Variants in IL1RL2 observed in about 807,000 individuals in gnomAD.
IL1RL2 encodes interleukin 1 receptor like 2, also known as interleukin-1 receptor-like 2.
A neutral mutation model predicts 66.8 loss-of-function variants in IL1RL2; 68 were observed. That is an observed-to-expected ratio of 1.02 (90% CI 0.84 to 1.25). IL1RL2 has a LOEUF of 1.25. IL1RL2 is among the 50% of genes most tolerant of loss of function. The pLI, the probability that IL1RL2 is intolerant of heterozygous loss-of-function variation, is 0.00. For synonymous variants in IL1RL2, 305 were observed against 264.6 expected (o/e 1.15, Z -1.48); for missense variants, 729 against 709.3 (o/e 1.03, Z -0.32).
intron 10 of IL1RL2, 70 bp downstream of exon 10, chr2:102,233,194 A>G: frequency 6.9e-7 from 1 of 1,449,344 alleles, no homozygotes; most frequent in Non-Finnish European, 9.5e-7. Context: ...CCTCCACTTT[A>G]CTAATGGCGG....
In IL1RL2 at chr2:102,189,106, A is replaced by C; in HGVS notation, c.89A>C (p.Glu30Ala). ...TGCAAGGACATTTTTATGAAAAATG[A>C]GATACTTTCAGCAAGCCAGCCTTTT... The part of the protein sequence containing the change: ...DGCKDIFMKN[E>A]ILSASQPFAF... Residue 30 changes from glutamate to alanine, a missense_variant, in exon 3 of 12, where the codon GAG (glutamate) becomes GCG (alanine). By Grantham distance (107) the Glu-to-Ala change is moderately radical. Coordinates refer to ENST00000264257, the MANE Select transcript of IL1RL2 (RefSeq NM_003854.4). 1.2e-6 allele frequency: 2 copies of C among 1,613,962 alleles called. No individual in the cohort carries two copies. Among genetic ancestry groups the C allele is most frequent in the South Asian group, 1.1e-5 (1 of 91,070 alleles).
chr2:102,214,010 C>A (rs189685612), intron 6 of IL1RL2, among the ~76,000 whole-genome samples: 7 of 152,166 alleles, frequency 4.6e-5, no homozygotes, highest in Admixed American at 3.9e-4. Context: ...TGCCTCTAGG[C>A]CCATATGTTT....
At position 102,232,980 on chromosome 2, in the gene IL1RL2, G is replaced by C; in HGVS notation, c.1153G>C (p.Ala385Pro). The C allele has an allele frequency of 1.9e-6, 3 of 1,613,308 alleles. 1 individual carries two copies. In the South Asian group the frequency reaches 3.3e-5, roughly 18 times the overall value. The change falls in exon 10 of 12, where the codon GCC becomes CCC. Residue 385 changes from alanine (A) to proline (P), a missense_variant. Coordinates refer to ENST00000264257, the MANE Select transcript of IL1RL2 (RefSeq NM_003854.4). ...CTTTTCAGATGGGAAGCTGTATGAC[G>C]CCTATGTCTTATACCCCAAGCCCCA... ...ETIVDGKLYDAYVLYPKPHKE... is the reference protein window; with the variant it reads ...ETIVDGKLYDPYVLYPKPHKE...
At chr2:102,220,990 C>T (rs574710906) in intron 8 of IL1RL2, among the ~76,000 whole-genome samples, 3 of 152,310 alleles carry the variant, frequency 2.0e-5, no homozygotes, top group African/African-American at 7.2e-5. Flanking sequence ...ACATTCTCTG[C>T]TTCACTTCTG....
At chr2:102,211,974 G>T in intron 5 of IL1RL2, 126 bp from the exon 6 acceptor site, 4 of 554,016 alleles carry the variant, frequency 7.2e-6, no homozygotes, top group Admixed American at 3.2e-5. Flanking sequence ...GTGTATTTAT[G>T]GAGTGAGATT....
At chr2:102,225,580 G>T (rs911134494) in intron 8 of IL1RL2, among the ~76,000 whole-genome samples, 1 of 152,194 alleles carries the variant, frequency 6.6e-6, no homozygotes, top group Non-Finnish European at 1.5e-5. Flanking sequence ...GAACCTGGAC[G>T]TGTGTGTTTT....
intron 10 of IL1RL2, among the ~76,000 whole-genome samples, chr2:102,233,819 C>T (rs1026716581): frequency 2.6e-5 from 4 of 152,158 alleles, no homozygotes; most frequent in Admixed American, 2.6e-4. Flanking sequence ...TGTTCTCCTT[C>T]TTGGAAGGCT....
intron 3 of IL1RL2, among the ~76,000 whole-genome samples, chr2:102,191,284 T>A (rs1233234320): frequency 6.6e-6 from 1 of 152,186 alleles, no homozygotes; most frequent in Non-Finnish European, 1.5e-5. Flanking sequence ...AATGTATATT[T>A]ATTTATTTCT....
In IL1RL2 at chr2:102,235,731, A is replaced by C; in HGVS notation, c.1678+454A>C. On this transcript the variant is annotated intron_variant, in intron 11 of 11. Transcript: ENST00000264257. ...TTGGCAAGGATAGCAGTATTTGTCCACGCCTGTCCAGTGTCTTCAGGGCCC... is the reference window on the plus strand; with the variant it reads ...TTGGCAAGGATAGCAGTATTTGTCCCCGCCTGTCCAGTGTCTTCAGGGCCC... 3 of 985,348 alleles carry C rather than the reference A, an allele frequency of 3.0e-6. 1 individual carries two copies. The highest frequency in any genetic ancestry group is 3.6e-6 in the Non-Finnish European group (3 of 829,906). The allele number at this position is 985,348 out of a possible 1,614,324, so 61.0% of individuals were successfully genotyped here.
Position 102,234,877 on chromosome 2 carries a change from CCTT to C in IL1RL2, c.1298-16_1298-14del. On this transcript the variant is annotated splice_polypyrimidine_tract_variant and intron_variant, in intron 10 of 11. Coordinates refer to ENST00000264257, the MANE Select transcript of IL1RL2 (RefSeq NM_003854.4). ...TGTTTTAATTGTGAGTTCTTCTGAG[CCTT>C]CTTTCTTTATTTCCAGCCGTGGCCA... 1 of 1,600,160 alleles carries C rather than the reference CCTT, an allele frequency of 6.2e-7. No individual in the cohort carries two copies. Among genetic ancestry groups the C allele is most frequent in the Non-Finnish European group, 8.6e-7 (1 of 1,169,570 alleles).
At position 102,225,936 on chromosome 2, in the gene IL1RL2, G is replaced by C; in HGVS notation, c.1030G>C (p.Ala344Pro). 6.2e-7 allele frequency: 1 copy of C among 1,605,590 alleles called. No homozygotes were observed. The highest frequency in any genetic ancestry group is 1.1e-5 in the South Asian group (1 of 89,648). ...FRAYLIGGLI[A>P]LVAVAVSVVY... ...AGCTTACTTGATAGGAGGGCTTATC[G>C]CCTTGGTGGCTGTGGCTGTGTCTGT... The change falls in exon 9 of 12, where the codon GCC becomes CCC. Residue 344 changes from alanine to proline, a missense_variant. Physicochemically the swap from Ala to Pro is conservative, Grantham distance 27 (BLOSUM62 -1). Coordinates refer to ENST00000264257, the MANE Select transcript of IL1RL2 (RefSeq NM_003854.4).
At chr2:102,208,209 G>A (rs1227347590) in intron 5 of IL1RL2, among the ~76,000 whole-genome samples, 1 of 152,136 alleles carries the variant, frequency 6.6e-6, no homozygotes, top group East Asian at 1.9e-4. Flanking sequence ...AGTGATTTTT[G>A]GTTCTTATGA....
At chr2:102,189,729 T>C (rs1422856095) in intron 3 of IL1RL2, among the ~76,000 whole-genome samples, 1 of 152,230 alleles carries the variant, frequency 6.6e-6, no homozygotes, top group Non-Finnish European at 1.5e-5. Flanking sequence ...GTGATTCTCC[T>C]GCCTCAGCTT....
chr2:102,205,966 T>C (rs970860609), intron 5 of IL1RL2, among the ~76,000 whole-genome samples: 1 of 152,140 alleles, frequency 6.6e-6, no homozygotes, highest in Admixed American at 6.5e-5. Flanking sequence ...TATTTTCAGA[T>C]AGCCTGTCTT....
chr2:102,230,294 T>C (rs1691005163), intron 9 of IL1RL2, among the ~76,000 whole-genome samples: 1 of 152,232 alleles, frequency 6.6e-6, no homozygotes, highest in Non-Finnish European at 1.5e-5. Context: ...CCTCTGGCTT[T>C]GGAAAGTCAA....
At chr2:102,187,617 T>G (rs1342554408) in intron 1 of IL1RL2, among the ~76,000 whole-genome samples, 1 of 152,070 alleles carries the variant, frequency 6.6e-6, no homozygotes. Context: ...TCCTCGCCCA[T>G]CCTCCTCTGC....
At chr2:102,241,371 C>T (rs183533369), downstream of IL1RL2, among the ~76,000 whole-genome samples, 9 of 152,260 alleles carry the variant, frequency 5.9e-5, no homozygotes, top group East Asian at 1.4e-3. Flanking sequence ...CCCCTGGACT[C>T]CAGTCACAAC....
chr2:102,227,226 C>T (rs1690699748), intron 9 of IL1RL2, among the ~76,000 whole-genome samples: 1 of 152,252 alleles, frequency 6.6e-6, no homozygotes, highest in African/African-American at 2.4e-5. Flanking sequence ...CGACTTTATA[C>T]CTTTTAAGTC....
intron 4 of IL1RL2, among the ~76,000 whole-genome samples, chr2:102,200,139 A>G (rs1333765226): frequency 6.9e-6 from 1 of 145,972 alleles, no homozygotes; most frequent in Non-Finnish European, 1.5e-5. Context: ...AAAAAAAAAA[A>G]GTGCTTGTCT....
Sources: allele counts gnomAD v4.1 joint callset (sites outside exome capture counted in the v4.1 genomes callset), GRCh38; gene constraint gnomAD v4.1.1; transcripts MANE v1.5; gene names NCBI Gene and HGNC (gene_info 2026-07-23, HGNC 2026-07-21).